OSBPL8: variants seen among roughly 807,000 people sequenced by gnomAD.
OSBPL8 encodes oxysterol binding protein like 8.
Under a neutral mutation model 125.5 loss-of-function variants are expected in OSBPL8, and 59 were observed. The observed-to-expected ratio is 0.47, with a 90% CI of 0.38 to 0.58. The LOEUF is 0.58. Among genes scored for constraint, OSBPL8 ranks in the 20% least tolerant of loss-of-function variants. OSBPL8 has a pLI of 0.00. For synonymous variants in OSBPL8, 330 were observed against 338.9 expected (o/e 0.97, Z 0.29); for missense variants, 758 against 1,047.8 (o/e 0.72, Z 3.82).
chr12:76,519,009 A>C (rs1488812421), intron 1 of OSBPL8, among the ~76,000 whole-genome samples: 1 of 152,198 alleles, frequency 6.6e-6, no homozygotes, highest in Non-Finnish European at 1.5e-5. Context: ...TCACTCTAGC[A>C]AGTGGTTGCT....
At chr12:76,508,603 C>T (rs1455278499) in intron 1 of OSBPL8, among the ~76,000 whole-genome samples, 1 of 152,164 alleles carries the variant, frequency 6.6e-6, no homozygotes, top group African/African-American at 2.4e-5. Context: ...TGATAAAGAC[C>T]TTGCAGATAA....
chr12:76,461,036 T>C (rs1235986659), intron 2 of OSBPL8, among the ~76,000 whole-genome samples: 1 of 152,208 alleles, frequency 6.6e-6, no homozygotes, highest in South Asian at 2.1e-4. Context: ...TTTGCTCTAT[T>C]CATGTTTGTG....
chr12:76,383,863 C>T (rs1330109249), intron 15 of OSBPL8, among the ~76,000 whole-genome samples: 3 of 152,046 alleles, frequency 2.0e-5, no homozygotes, highest in African/African-American at 7.2e-5. Flanking sequence ...TACTGACTGA[C>T]CCTGGGCCAG....
At chr12:76,472,100 T>C (rs1876206146) in intron 2 of OSBPL8, among the ~76,000 whole-genome samples, 1 of 152,206 alleles carries the variant, frequency 6.6e-6, no homozygotes, top group Non-Finnish European at 1.5e-5. Context: ...TGTAATTCGA[T>C]ATGCAAAGGC....
intron 21 of OSBPL8, among the ~76,000 whole-genome samples, chr12:76,365,956 A>G (rs949289925): frequency 6.6e-6 from 1 of 152,170 alleles, no homozygotes; most frequent in African/African-American, 2.4e-5. Flanking sequence ...CATGGTGTAT[A>G]ATCTTTCTAA....
At chr12:76,516,147 T>A (rs778872540) in intron 1 of OSBPL8, among the ~76,000 whole-genome samples, 1 of 152,188 alleles carries the variant, frequency 6.6e-6, no homozygotes, top group Non-Finnish European at 1.5e-5. Context: ...CAAAATACAC[T>A]GCTATGGAAT....
chr12:76,514,659 C>T (rs1462156424), intron 1 of OSBPL8, among the ~76,000 whole-genome samples: 3 of 152,114 alleles, frequency 2.0e-5, no homozygotes, highest in Non-Finnish European at 4.4e-5. Flanking sequence ...TAGAGTCTTT[C>T]AGGAGTTCTC....
At chr12:76,408,052 G>T (rs555092672) in intron 5 of OSBPL8, among the ~76,000 whole-genome samples, 1 of 149,794 alleles carries the variant, frequency 6.7e-6, no homozygotes, top group Non-Finnish European at 1.5e-5. Context: ...TGTGCCTGCA[G>T]TCCCAGCTAC....
chr12:76,414,921 A>ACCACATT (rs1278413726), intron 4 of OSBPL8, among the ~76,000 whole-genome samples: 1 of 152,150 alleles, frequency 6.6e-6, no homozygotes, highest in Non-Finnish European at 1.5e-5. Flanking sequence ...TTTATTTCTA[A>ACCACATT]TGTTAAGTCA....
chr12:76,384,542 C>G (rs1953214358), intron 14 of OSBPL8, among the ~76,000 whole-genome samples, 192 bp from the exon 15 acceptor site: 1 of 152,064 alleles, frequency 6.6e-6, no homozygotes, highest in Non-Finnish European at 1.5e-5. Context: ...CCTAATGAGA[C>G]CCACCCTCCT....
At chr12:76,457,705 A>C (rs1565912858) in intron 3 of OSBPL8, among the ~76,000 whole-genome samples, 2 of 152,228 alleles carry the variant, frequency 1.3e-5, no homozygotes, top group South Asian at 4.1e-4. Flanking sequence ...ATTATGTTGT[A>C]TATTTTTATT....
intron 2 of OSBPL8, among the ~76,000 whole-genome samples, chr12:76,466,090 T>A (rs1386149190): frequency 1.3e-5 from 2 of 152,176 alleles, no homozygotes; most frequent in Non-Finnish European, 2.9e-5. Context: ...AAGAAGCTTG[T>A]ATGATATGAC....
At chr12:76,400,316 T>G (rs1022738590) in intron 6 of OSBPL8, among the ~76,000 whole-genome samples, 8 of 152,220 alleles carry the variant, frequency 5.3e-5, no homozygotes, top group African/African-American at 1.7e-4. Flanking sequence ...TCCATCCATA[T>G]CTTTGTAAAA....
rs549592746 is a variant in OSBPL8, at chr12:76,392,553, T to C, written c.929+28A>G. 3 of 1,583,812 alleles carry C rather than the reference T, an allele frequency of 1.9e-6. No individual in the cohort carries two copies. The East Asian group carries it at 6.8e-5, about 36-fold the overall frequency. On this transcript the variant is annotated intron_variant, in intron 10 of 23. Transcript: ENST00000261183. ...GTGAACAGTATGGTCTCTGAAACAT[T>C]ACCAACTCAGCGGCAGTATCTACTT...
chr12:76,475,973 A>G (rs1452880747), intron 2 of OSBPL8, among the ~76,000 whole-genome samples: 1 of 152,206 alleles, frequency 6.6e-6, no homozygotes, highest in Non-Finnish European at 1.5e-5. Context: ...GCAGGCAGAG[A>G]GGCCAACTAC....
At chr12:76,450,538 C>T (rs1013381167) in intron 4 of OSBPL8, among the ~76,000 whole-genome samples, 1 of 151,742 alleles carries the variant, frequency 6.6e-6, no homozygotes, top group African/African-American at 2.4e-5. Context: ...AACAAAAGCA[C>T]TTCACAGTCT....
intron 16 of OSBPL8, among the ~76,000 whole-genome samples, chr12:76,378,131 T>TC (rs1337940282): frequency 6.6e-6 from 1 of 152,210 alleles, no homozygotes; most frequent in Non-Finnish European, 1.5e-5. Context: ...ATGAAAATCA[T>TC]CTTTACAGAT....
At chr12:76,479,040 G>C (rs1199441111) in intron 2 of OSBPL8, among the ~76,000 whole-genome samples, 1 of 152,130 alleles carries the variant, frequency 6.6e-6, no homozygotes, top group Non-Finnish European at 1.5e-5. Context: ...CAGCCTGGGC[G>C]ACAGAGCGAG....
intron 21 of OSBPL8, 110 bp from the exon 22 acceptor site, chr12:76,358,921 A>G: frequency 1.3e-6 from 1 of 766,822 alleles, no homozygotes; most frequent in Non-Finnish European, 2.2e-6. Context: ...TCAGAAATAA[A>G]GACAATGATG....
Sources: gnomAD v4.1 joint callset for allele counts (sites outside exome capture counted in the v4.1 genomes callset) on GRCh38, gnomAD v4.1.1 for gene constraint, MANE v1.5 for transcripts, NCBI Gene and HGNC (gene_info 2026-07-23, HGNC 2026-07-21) for gene names.